Variants in LVRN observed in about 807,000 individuals in gnomAD.
LVRN encodes the protein aminopeptidase Q.
LVRN carries 99 observed loss-of-function variants against 111.4 expected under a neutral mutation model. The observed-to-expected ratio is 0.89, with a 90% CI of 0.76 to 1.05. LVRN has a LOEUF of 1.05. Ranked by LOEUF, LVRN falls within the 50% of genes least tolerant of loss-of-function variation. The probability of loss-of-function intolerance (pLI) is 0.00; values close to 1 mark genes in which losing one functional copy is unlikely to be tolerated. For synonymous variants in LVRN, 488 were observed against 449.5 expected, an observed-to-expected ratio of 1.09 and a Z score of -1.08; for missense variants, 1,414 against 1,206.8, an observed-to-expected ratio of 1.17 and a Z score of -2.54.
intron 18 of LVRN, chr5:116,021,801 A>ATT: frequency 1.3e-4 from 46 of 357,612 alleles, no homozygotes; most frequent in Non-Finnish European, 1.6e-4. Flanking sequence ...CTATTTTAAG[A>ATT]TTTTTTTTTT....
chr5:116,014,318 T>C, intron 15 of LVRN, 102 bp from the exon 16 acceptor site: 2 of 820,420 alleles, frequency 2.4e-6, no homozygotes, highest in South Asian at 3.5e-5. Context: ...TGAAAGGATA[T>C]TTAAAAATAC....
chr5:115,983,192 A>G (rs2112571291), intron 1 of LVRN, 95 bp from the exon 2 acceptor site: 2 of 1,366,134 alleles, frequency 1.5e-6, no homozygotes, highest in Non-Finnish European at 2.0e-6. Context: ...CCTCTAACAC[A>G]CCAGGCTAAC....
chr5:115,986,618 C>T (rs559115229), intron 3 of LVRN, among the ~76,000 whole-genome samples: 85 of 152,206 alleles, frequency 5.6e-4, no homozygotes, highest in South Asian at 3.7e-3. Flanking sequence ...ATATACTCTG[C>T]AGAGGAACAA....
In LVRN at chr5:116,000,880, T is replaced by C. The variant is rs542250389; in HGVS notation, c.1648-187T>C. Among the ~76,000 whole-genome samples, 27 of 152,318 alleles carry C rather than the reference T, an allele frequency of 1.8e-4. No individual in the cohort carries two copies. The East Asian group carries it at 4.4e-3, about 25-fold the overall frequency. ...TCAATAAATATGTGTTCATATTTAT[T>C]GAATTAATGAATTAAAGAACCATTC... On this transcript the variant is annotated intron_variant, in intron 9 of 19. Transcript: ENST00000357872.
intron 1 of LVRN, among the ~76,000 whole-genome samples, chr5:115,971,541 A>C (rs1053488538): frequency 7.2e-5 from 11 of 152,234 alleles, no homozygotes; most frequent in Admixed American, 2.6e-4. Context: ...ATGGACATTC[A>C]ACTGTACCAC....
At position 115,993,858 on chromosome 5, in the gene LVRN, A is replaced by T. The variant is rs1462038094; in HGVS notation, c.1374+4A>T. On this transcript the variant is annotated splice_donor_region_variant and intron_variant, in intron 6 of 19. Transcript: ENST00000357872. ...CTTTAATCCTAAACTCCCAAGAGTA[A>T]GTATGTTTACTAAGTTTATTTAACA... is the stretch of plus-strand genomic sequence containing the variant. 1 of 1,525,620 alleles carries T rather than the reference A, an allele frequency of 6.6e-7. No homozygotes were observed. Among genetic ancestry groups the T allele is most frequent in the Non-Finnish European group, 9.0e-7 (1 of 1,116,566 alleles). 94.5% of individuals were successfully genotyped at this position (1,525,620 alleles called of 1,614,324 possible).
chr5:115,976,738 ATCT>A (rs1177877875), intron 1 of LVRN, among the ~76,000 whole-genome samples: 39 of 152,144 alleles, frequency 2.6e-4, no homozygotes, highest in African/African-American at 9.4e-4. Context: ...ATGTTTCAGC[ATCT>A]TCTCATTTTT....
chr5:115,963,678 A>G (rs888055443), intron 1 of LVRN, among the ~76,000 whole-genome samples: 1 of 152,140 alleles, frequency 6.6e-6, no homozygotes, highest in African/African-American at 2.4e-5. Flanking sequence ...TGGACACAGG[A>G]AGGGGAACAT....
intron 14 of LVRN, among the ~76,000 whole-genome samples, chr5:116,012,046 G>A (rs1256997319): frequency 6.6e-6 from 1 of 151,910 alleles, no homozygotes; most frequent in Non-Finnish European, 1.5e-5. Context: ...GAAATGTATG[G>A]GATGATGTTA....
chr5:115,983,703 T>C (rs751586773), intron 2 of LVRN, among the ~76,000 whole-genome samples: 2 of 152,194 alleles, frequency 1.3e-5, no homozygotes, highest in Non-Finnish European at 2.9e-5. Context: ...CTGTTGATCA[T>C]TAGTGATAAC....
chr5:116,013,963 A>G (rs769178888), intron 15 of LVRN, among the ~76,000 whole-genome samples: 1 of 152,240 alleles, frequency 6.6e-6, no homozygotes, highest in Non-Finnish European at 1.5e-5. Flanking sequence ...AAAAGAAAAC[A>G]AATTGTAGAA....
intron 3 of LVRN, among the ~76,000 whole-genome samples, chr5:115,987,181 A>T (rs773040758): frequency 2.6e-5 from 4 of 152,292 alleles, no homozygotes; most frequent in Non-Finnish European, 4.4e-5. Context: ...CATGGCAGAG[A>T]TTTCCTTTTA....
At chr5:115,981,310 C>G (rs1227121357) in intron 1 of LVRN, among the ~76,000 whole-genome samples, 1 of 152,124 alleles carries the variant, frequency 6.6e-6, no homozygotes, top group Non-Finnish European at 1.5e-5. Context: ...TTTTTGCCAA[C>G]TATTATAAAT....
chr5:115,986,409 T>C (rs981744776), intron 3 of LVRN, among the ~76,000 whole-genome samples: 17 of 152,168 alleles, frequency 1.1e-4, no homozygotes, highest in African/African-American at 4.1e-4. Flanking sequence ...CAGTCAACCA[T>C]TCTTGTAGCG....
At chr5:116,006,445 C>G (rs1044189437) in intron 13 of LVRN, among the ~76,000 whole-genome samples, 1 of 151,900 alleles carries the variant, frequency 6.6e-6, no homozygotes, top group African/African-American at 2.4e-5. Context: ...TCCTTCTTTC[C>G]TCCTTTTTCC....
chr5:115,963,949 C>G (rs973019474), intron 1 of LVRN, among the ~76,000 whole-genome samples: 1 of 152,134 alleles, frequency 6.6e-6, no homozygotes, highest in African/African-American at 2.4e-5. Context: ...TTCAACAAAC[C>G]GCTTGCCCCT....
intron 19 of LVRN, among the ~76,000 whole-genome samples, chr5:116,024,986 G>A (rs1748832134): frequency 6.6e-6 from 1 of 152,034 alleles, no homozygotes; most frequent in Admixed American, 6.6e-5. Flanking sequence ...TCTGGCTCTG[G>A]TTTTTATATT....
intron 18 of LVRN, among the ~76,000 whole-genome samples, chr5:116,020,380 C>T (rs2662466): frequency 0.27 from 40,756 of 151,890 alleles, 5,724 homozygotes; most frequent in African/African-American, 0.32. Flanking sequence ...TTATTTGTTC[C>T]GTTATCATCT....
intron 1 of LVRN, among the ~76,000 whole-genome samples, chr5:115,982,794 CT>C (rs1747738643): frequency 6.6e-6 from 1 of 152,066 alleles, no homozygotes; most frequent in Non-Finnish European, 1.5e-5. Context: ...ATATTGTTTA[CT>C]CCCAAGAGTG....
Sources: allele counts gnomAD v4.1 joint callset (sites outside exome capture counted in the v4.1 genomes callset), GRCh38; gene constraint gnomAD v4.1.1; transcripts MANE v1.5; gene names NCBI Gene and HGNC (gene_info 2026-07-23, HGNC 2026-07-21).